Variants in MCTP1 observed in about 807,000 individuals in gnomAD.
MCTP1 encodes the protein multiple C2 and transmembrane domain-containing protein 1.
A neutral mutation model predicts 120.6 loss-of-function variants in MCTP1; 69 were observed. The ratio of observed to expected loss-of-function variants is 0.57; its 90% CI spans 0.47 to 0.70. MCTP1 has a LOEUF of 0.70. Ranked by LOEUF, MCTP1 falls within the 30% of genes least tolerant of loss-of-function variation. The pLI is 0.00. For synonymous variants in MCTP1, 529 were observed against 493.1 expected (o/e 1.07, Z -0.96); for missense variants, 1,203 against 1,248.8 (o/e 0.96, Z 0.55).
chr5:95,103,608 A>C (rs1756894883), intron 1 of MCTP1, among the ~76,000 whole-genome samples: 1 of 152,214 alleles, frequency 6.6e-6, no homozygotes, highest in African/African-American at 2.4e-5. Context: ...CTTGGAAAGC[A>C]ATCAAAATGT....
intron 1 of MCTP1, among the ~76,000 whole-genome samples, chr5:95,161,811 G>A (rs1191943573): frequency 3.3e-5 from 5 of 152,080 alleles, no homozygotes; most frequent in Non-Finnish European, 7.4e-5. Context: ...AAAAGAAGTC[G>A]GGATTTGAAC....
chr5:95,202,535 A>C (rs1751182477), intron 1 of MCTP1, among the ~76,000 whole-genome samples: 1 of 152,172 alleles, frequency 6.6e-6, no homozygotes, highest in Non-Finnish European at 1.5e-5. Context: ...GAGAACCCTG[A>C]CTAGTACAAT....
chr5:95,081,353 C>A (rs1754882369), intron 1 of MCTP1: 5 of 1,355,640 alleles, frequency 3.7e-6, no homozygotes, highest in Non-Finnish European at 4.1e-6. Flanking sequence ...TTCTAAGGAA[C>A]AATCATATAC....
At position 94,959,560 on chromosome 5, in the gene MCTP1, C is replaced by T. The variant is rs192706695; in HGVS notation, c.839-6199G>A. ...CAAAACTCCTTAAGCTGATATGCAA[C>T]TTCAGCAAAGTCTCAGGATACAAAG... On this transcript the variant is annotated intron_variant, in intron 2 of 22. Coordinates refer to ENST00000515393, the MANE Select transcript of MCTP1 (RefSeq NM_024717.7). 7.9e-4 allele frequency among the ~76,000 whole-genome samples: 121 copies of T among 152,318 alleles called. 1 individual carries two copies. In the South Asian group the frequency reaches 0.012, roughly 16 times the overall value.
chr5:94,867,466 T>C, intron 17 of MCTP1: 1 of 839,176 alleles, frequency 1.2e-6, no homozygotes, highest in Non-Finnish European at 1.9e-6. Context: ...GATTTGTTAC[T>C]ATAATTAAGG....
chr5:94,893,093 G>A (rs1803054000), intron 11 of MCTP1, among the ~76,000 whole-genome samples: 1 of 152,064 alleles, frequency 6.6e-6, no homozygotes, highest in Non-Finnish European at 1.5e-5. Flanking sequence ...TGAGAATTAA[G>A]TCAAACATCC....
intron 1 of MCTP1, among the ~76,000 whole-genome samples, chr5:95,063,760 C>T (rs1156536932): frequency 2.0e-5 from 3 of 152,122 alleles, no homozygotes; most frequent in African/African-American, 7.2e-5. Context: ...CCACACCTGG[C>T]TAATTTTTGT....
chr5:95,224,376 G>A (rs1754025791), intron 1 of MCTP1, among the ~76,000 whole-genome samples: 1 of 152,112 alleles, frequency 6.6e-6, no homozygotes, highest in Non-Finnish European at 1.5e-5. Flanking sequence ...TACATTTAAT[G>A]TTAGCAAATA....
chr5:95,276,087 G>C (rs1759804012), intron 1 of MCTP1, among the ~76,000 whole-genome samples: 1 of 151,984 alleles, frequency 6.6e-6, no homozygotes. Flanking sequence ...CAGACTTTCT[G>C]GAGGGAGGAT....
intron 1 of MCTP1, among the ~76,000 whole-genome samples, chr5:95,233,702 A>G (rs1419798772): frequency 6.6e-6 from 1 of 152,228 alleles, no homozygotes; most frequent in Non-Finnish European, 1.5e-5. Flanking sequence ...TTTTAAACTG[A>G]ATAAAAATGA....
intron 2 of MCTP1, among the ~76,000 whole-genome samples, chr5:94,991,850 C>T (rs1831608380): frequency 1.3e-5 from 2 of 150,410 alleles, no homozygotes; most frequent in Non-Finnish European, 2.9e-5. Context: ...GCACTCCAGC[C>T]TGGGAAACAA....
At chr5:95,015,186 T>C (rs1836857434) in intron 2 of MCTP1, among the ~76,000 whole-genome samples, 1 of 152,102 alleles carries the variant, frequency 6.6e-6, no homozygotes, top group Non-Finnish European at 1.5e-5. Flanking sequence ...TGCTTTATTG[T>C]GATATTTTCT....
chr5:95,004,436 A>G (rs1418433154), intron 2 of MCTP1, among the ~76,000 whole-genome samples: 24 of 152,288 alleles, frequency 1.6e-4, no homozygotes, highest in Admixed American at 1.6e-3. Flanking sequence ...ATTGCTGACA[A>G]TGGAAGAAAA....
At chr5:94,791,186 C>G (rs1420918856) in intron 18 of MCTP1, among the ~76,000 whole-genome samples, 2 of 150,850 alleles carry the variant, frequency 1.3e-5, no homozygotes, top group Non-Finnish European at 3.0e-5. Context: ...GTAATCCCAG[C>G]TACTAGAAGG....
At position 95,283,934 on chromosome 5, in the gene MCTP1, C is replaced by A. The variant is rs757314512; in HGVS notation, c.642G>T (p.Pro214=). 1.1e-5 allele frequency: 16 copies of A among 1,402,230 alleles called. No individual in the cohort carries two copies. The highest frequency in any genetic ancestry group is 3.5e-5 in the Admixed American group (1 of 28,890). The allele number at this position is 1,402,230 out of a possible 1,614,324, so 86.9% of individuals were successfully genotyped here. Reference sequence around the variant, plus strand: ...TCCGCGCCGGCTCTGCGGGAGGAGGCGGCGGCTCCAGCAGCTGCTCCAGGC... The same window carrying A: ...TCCGCGCCGGCTCTGCGGGAGGAGGAGGCGGCTCCAGCAGCTGCTCCAGGC... ...TACLEQLLEP[P]PPPAEPARSP... The change falls in exon 1 of 23, where the codon CCG becomes CCT. Residue 214 remains proline, a synonymous_variant. Coordinates refer to ENST00000515393, the MANE Select transcript of MCTP1 (RefSeq NM_024717.7).
chr5:94,821,087 A>T (rs1003623482), intron 17 of MCTP1, among the ~76,000 whole-genome samples: 1 of 152,168 alleles, frequency 6.6e-6, no homozygotes, highest in Non-Finnish European at 1.5e-5. Context: ...TCTGGCTCCA[A>T]ATTTCATCGT....
intron 12 of MCTP1, among the ~76,000 whole-genome samples, chr5:94,880,976 G>A (rs1445382306): frequency 6.6e-6 from 1 of 152,010 alleles, no homozygotes; most frequent in Non-Finnish European, 1.5e-5. Context: ...GTCCTCTGCT[G>A]GACACTGTGG....
At chr5:94,963,360 T>TTA (rs1824781202) in intron 2 of MCTP1, among the ~76,000 whole-genome samples, 1 of 151,782 alleles carries the variant, frequency 6.6e-6, no homozygotes, top group African/African-American at 2.4e-5. Flanking sequence ...TTCTATTTTT[T>TTA]TTTTTTTTTG....
intron 2 of MCTP1, among the ~76,000 whole-genome samples, chr5:94,971,218 G>T (rs975196742): frequency 2.0e-5 from 3 of 151,960 alleles, no homozygotes; most frequent in Middle Eastern, 3.4e-3. Context: ...CTTTGACAGA[G>T]AATAAGCCAT....
Sources: gnomAD v4.1 joint callset for allele counts (sites outside exome capture counted in the v4.1 genomes callset) on GRCh38, gnomAD v4.1.1 for gene constraint, MANE v1.5 for transcripts, NCBI Gene and HGNC (gene_info 2026-07-23, HGNC 2026-07-21) for gene names.